The following CPAMD8 variants were observed in gnomAD, a reference collection of about 807,000 sequenced individuals.
CPAMD8 encodes the protein C3 and PZP-like alpha-2-macroglobulin domain-containing protein 8.
CPAMD8 carries 146 observed loss-of-function variants against 224.7 expected under a neutral mutation model. The observed-to-expected ratio is 0.65, with a 90% confidence interval of 0.57 to 0.75. CPAMD8 has a LOEUF of 0.75. Ranked by LOEUF, CPAMD8 falls within the 30% of genes least tolerant of loss-of-function variation. CPAMD8 has a pLI of 0.00. For synonymous variants in CPAMD8, 966 were observed against 1,044.6 expected (o/e 0.92, Z 1.45); for missense variants, 2,301 against 2,537.5 (o/e 0.91, Z 2.00).
chr19:16,948,218 G>T (rs574059399), intron 20 of CPAMD8, among the ~76,000 whole-genome samples: 16 of 152,308 alleles, frequency 1.1e-4, no homozygotes, highest in African/African-American at 3.9e-4. Context: ...TAAAGAAATG[G>T]CTGATCAAGA....
At position 16,996,997 on chromosome 19, in the gene CPAMD8, G is replaced by A. The variant is rs2056147143; in HGVS notation, c.1095+114C>T. ...ACCAGCCCTCTCCACTCTCCGCAAAGGTTATGTCAGGGGATCCGTTTTCAG... is the reference window on the plus strand; with the variant it reads ...ACCAGCCCTCTCCACTCTCCGCAAAAGTTATGTCAGGGGATCCGTTTTCAG... On this transcript the variant is annotated intron_variant, in intron 11 of 41. Coordinates refer to ENST00000443236, the MANE Select transcript of CPAMD8 (RefSeq NM_015692.5). 7.0e-6 allele frequency: 5 copies of A among 710,168 alleles called. No homozygotes were observed. In the South Asian group the frequency reaches 8.2e-5, roughly 12 times the overall value. The allele number at this position is 710,168 out of a possible 1,614,324, so 44.0% of individuals were successfully genotyped here.
intron 41 of CPAMD8, chr19:16,894,140 G>A (rs1291699803): frequency 1.3e-5 from 3 of 229,252 alleles, no homozygotes; most frequent in Non-Finnish European, 2.8e-5. Flanking sequence ...GGGGGGTTGG[G>A]GTGCTTGGAG....
intron 30 of CPAMD8, 37 bp from the exon 31 acceptor site, chr19:16,904,589 C>T (rs754100426): frequency 1.4e-6 from 2 of 1,410,274 alleles, no homozygotes; most frequent in South Asian, 2.3e-5. Context: ...TATAACCCAC[C>T]CAGTGTGTAG....
intron 13 of CPAMD8, among the ~76,000 whole-genome samples, chr19:16,984,942 A>G (rs2055661905): frequency 6.6e-6 from 1 of 152,258 alleles, no homozygotes; most frequent in South Asian, 2.1e-4. Context: ...TCATGCAGTC[A>G]CATATGCATG....
At chr19:16,924,602 T>C (rs1406054848) in intron 26 of CPAMD8, among the ~76,000 whole-genome samples, 2 of 152,304 alleles carry the variant, frequency 1.3e-5, no homozygotes, top group East Asian at 1.9e-4. Context: ...TTTTTTACAG[T>C]TGGGGTCTCA....
At position 16,993,287 on chromosome 19, in the gene CPAMD8, T is replaced by C. The variant is rs116954981; in HGVS notation, c.1266+129A>G. Reference sequence around the variant, plus strand: ...CTGTGTTGTCCATCCCACTGTCTAGTGGAATGTGTACTCCTGCAGGGCTGG... The same window carrying C: ...CTGTGTTGTCCATCCCACTGTCTAGCGGAATGTGTACTCCTGCAGGGCTGG... On this transcript the variant is annotated intron_variant, in intron 12 of 41. Transcript: ENST00000443236. 2,437 of 697,148 alleles carry C rather than the reference T, an allele frequency of 3.5e-3. 8 individuals carry two copies. The highest frequency in any genetic ancestry group is 4.8e-3 in the Non-Finnish European group (1,974 of 414,794). 43.2% of individuals were successfully genotyped at this position (697,148 alleles called of 1,614,324 possible).
At chr19:16,982,342 T>C (rs1277714188) in intron 13 of CPAMD8, among the ~76,000 whole-genome samples, 2 of 151,606 alleles carry the variant, frequency 1.3e-5, no homozygotes, top group African/African-American at 4.8e-5. Flanking sequence ...CGGTGAGTCA[T>C]GATCATGCCA....
chr19:16,958,242 C>A (rs1018469795), intron 18 of CPAMD8, among the ~76,000 whole-genome samples: 1 of 152,126 alleles, frequency 6.6e-6, no homozygotes, highest in Non-Finnish European at 1.5e-5. Context: ...AGCCTATGCC[C>A]AATAGTTATT....
At chr19:17,001,833 G>C (rs2056334494) in intron 9 of CPAMD8, among the ~76,000 whole-genome samples, 1 of 151,626 alleles carries the variant, frequency 6.6e-6, no homozygotes, top group Non-Finnish European at 1.5e-5. Flanking sequence ...AGATGCTCTA[G>C]GGAAAGGGGT....
rs148687164 is a variant in CPAMD8 at position 16,970,425 on chromosome 19, A to G, written c.2213+466T>C. On this transcript the variant is annotated intron_variant, in intron 18 of 41. Coordinates refer to ENST00000443236, the MANE Select transcript of CPAMD8 (RefSeq NM_015692.5). ...AACATGGTGAAACCCTGTCTCTACT[A>G]AAAATACGAAAATTAGACAGGCATG... Among the ~76,000 whole-genome samples, 536 of 151,662 alleles carry G rather than the reference A, an allele frequency of 3.5e-3. 31 individuals are homozygous for G. The East Asian group carries it at 0.093, about 26-fold the overall frequency.
rs202120343 is a variant in CPAMD8 at position 16,899,500 on chromosome 19, C to T, written c.4823G>A (p.Arg1608His). 441 of 1,574,208 alleles carry T rather than the reference C, an allele frequency of 2.8e-4. No individual in the cohort carries two copies. The highest frequency in any genetic ancestry group is 3.7e-4 in the Non-Finnish European group (422 of 1,144,330). ...CTCATCAAAGTAGAAGAGCACTCGG[C>T]GTCCAGCCACTTCATACCTCTTCAT... The part of the protein sequence containing the change: ...MGMKRYEVAG[R>H]RVLFYFDEIP... Residue 1608 changes from arginine to histidine, a missense_variant, in exon 37 of 42, where the codon CGC becomes CAC. Physicochemically the swap from Arg to His is conservative, Grantham distance 29. This residue lies in a region of CPAMD8 where 1,709 missense variants were observed against 1,753.2 expected (regional missense o/e 0.97). Coordinates refer to ENST00000443236, the MANE Select transcript of CPAMD8 (RefSeq NM_015692.5). The surrounding 1 kb of genome is among the most constrained non-coding windows in gnomAD (Gnocchi z 5.4).
rs1214412412 is a variant in CPAMD8 at position 16,993,572 on chromosome 19, G to A, written c.1110C>T (p.Tyr370=). The A allele has an allele frequency of 6.2e-7, 1 of 1,614,022 alleles. No homozygotes were observed. The highest frequency in any genetic ancestry group is 1.3e-5 in the African/African-American group (1 of 74,924). Residue 370 remains tyrosine, a synonymous_variant, in exon 12 of 42, where the codon TAC becomes TAT. Coordinates refer to ENST00000443236, the MANE Select transcript of CPAMD8 (RefSeq NM_015692.5). The part of the protein sequence containing the change: ...LAYVGKVELS[Y]PDGSPAEGVT... ...CCCCCTCAGCTGGGCTGCCATCGGG[G>A]TAGGATAGCTCCACCTAGAAAAGGT...
At chr19:16,935,470 A>G (rs937816699) in intron 23 of CPAMD8, among the ~76,000 whole-genome samples, 1 of 152,124 alleles carries the variant, frequency 6.6e-6, no homozygotes, top group Non-Finnish European at 1.5e-5. Context: ...CATTTATAAA[A>G]TTTTGTCATT....
intron 18 of CPAMD8, among the ~76,000 whole-genome samples, chr19:16,969,380 A>G (rs1298124773): frequency 5.3e-5 from 8 of 152,116 alleles, no homozygotes; most frequent in Non-Finnish European, 8.8e-5. Flanking sequence ...GAGGTCAGGG[A>G]TGCTGCTCAA....
intron 18 of CPAMD8, among the ~76,000 whole-genome samples, chr19:16,964,858 T>G (rs527907776): frequency 1.3e-5 from 2 of 152,298 alleles, no homozygotes; most frequent in African/African-American, 4.8e-5. Flanking sequence ...TCAAGTCAGC[T>G]TCATCTCTGG....
rs1267150089 is a variant in CPAMD8, at chr19:16,990,159, C to T, written c.1267-388G>A. Among the ~76,000 whole-genome samples, 3 of 152,124 alleles carry T rather than the reference C, an allele frequency of 2.0e-5. No individual in the cohort carries two copies. The East Asian group carries it at 5.8e-4, about 30-fold the overall frequency. The stretch of plus-strand genomic sequence containing the variant: ...ATCCCAGCTACTCAGGAGGCTGAGG[C>T]ACAAGAATTGCTTGAACCCAGGAGG... On this transcript the variant is annotated intron_variant, in intron 12 of 41. Transcript: ENST00000443236.
chr19:16,995,123 G>C (rs1430713088), intron 11 of CPAMD8, among the ~76,000 whole-genome samples: 1 of 152,230 alleles, frequency 6.6e-6, no homozygotes, highest in African/African-American at 2.4e-5. Flanking sequence ...CAAAGCCAGG[G>C]ACACAGGAGA....
At chr19:16,911,360 T>G (rs528666624) in intron 29 of CPAMD8, among the ~76,000 whole-genome samples, 9 of 151,792 alleles carry the variant, frequency 5.9e-5, no homozygotes, top group Admixed American at 2.0e-4. Context: ...TCCTTTTTTT[T>G]TTGTTCTTTT....
intron 30 of CPAMD8, among the ~76,000 whole-genome samples, chr19:16,905,569 G>GAAAAAAAAAAAA (rs397955787): frequency 2.2e-5 from 2 of 92,690 alleles, no homozygotes; most frequent in Non-Finnish European, 4.3e-5. Context: ...AGGAAGAAAA[G>GAAAAAAAAAAAA]AAAAAAAAAA....
Sources: allele counts gnomAD v4.1 joint callset (sites outside exome capture counted in the v4.1 genomes callset), GRCh38; gene constraint gnomAD v4.1.1; regional missense constraint gnomAD v4.1.1; non-coding constraint Gnocchi (gnomAD v3.1); transcripts MANE v1.5; gene names NCBI Gene and HGNC (gene_info 2026-07-23, HGNC 2026-07-21).